PTPRN2: variants seen among roughly 807,000 people sequenced by gnomAD.
The protein encoded by PTPRN2 is receptor-type tyrosine-protein phosphatase N2.
In PTPRN2, 74 loss-of-function variants were observed where a neutral mutation model predicts 118.8. That is an observed-to-expected ratio of 0.62 (90% confidence interval 0.52 to 0.76). PTPRN2 has a LOEUF of 0.76. Ranked by LOEUF, PTPRN2 falls within the 30% of genes least tolerant of loss-of-function variation. The probability of loss-of-function intolerance (pLI) is 0.00; values close to 1 mark genes in which losing one functional copy is unlikely to be tolerated. For missense variants in PTPRN2, 1,481 were observed against 1,394.4 expected (o/e 1.06, Z -0.99); for synonymous variants, 641 against 608.0 (o/e 1.05, Z -0.80).
chr7:157,927,798 C>T (rs566773634), intron 11 of PTPRN2, among the ~76,000 whole-genome samples: 1 of 152,134 alleles, frequency 6.6e-6, no homozygotes, highest in East Asian at 2.0e-4. Flanking sequence ...CTGCTGTGAA[C>T]CCTCTGGGGT....
rs1414058979 is a variant in PTPRN2, at chr7:158,509,581, C to T, written c.113-19796G>A. ...CTTAGCAGCCAAAATCAGAATAGCA[C>T]AGATGCGTAGTCACCCCAAAGCCCA... On this transcript the variant is annotated intron_variant, in intron 1 of 22. Transcript: ENST00000389418. This position sits in a 1 kb window ranked among gnomAD's most constrained non-coding sequence, Gnocchi z 4.4. Among the ~76,000 whole-genome samples, 1 of 152,250 alleles carries T rather than the reference C, an allele frequency of 6.6e-6. No individual in the cohort carries two copies. The highest frequency in any genetic ancestry group is 1.5e-5 in the Non-Finnish European group (1 of 68,044).
At chr7:157,867,348 G>A (rs1163073294) in intron 12 of PTPRN2, among the ~76,000 whole-genome samples, 2 of 126,150 alleles carry the variant, frequency 1.6e-5, no homozygotes, top group African/African-American at 3.3e-5. Flanking sequence ...CTGGATACAC[G>A]GCCACCACCC....
At chr7:158,335,445 C>T (rs1265923105) in intron 2 of PTPRN2, among the ~76,000 whole-genome samples, 1 of 46,510 alleles carries the variant, frequency 2.2e-5, no homozygotes, top group African/African-American at 7.7e-5. Context: ...GTGACACATG[C>T]AGATGTCACT....
intron 12 of PTPRN2, among the ~76,000 whole-genome samples, chr7:157,795,160 T>C (rs1399175481): frequency 1.6e-5 from 1 of 63,750 alleles, no homozygotes; most frequent in Non-Finnish European, 3.0e-5. Context: ...TTCGGCGGGG[T>C]CGGGGGCGGG....
chr7:158,123,030 A>G (rs1336733323), intron 9 of PTPRN2, among the ~76,000 whole-genome samples: 1 of 152,180 alleles, frequency 6.6e-6, no homozygotes, highest in African/African-American at 2.4e-5. Flanking sequence ...GATCTGGGAC[A>G]TTTTACTATT....
At chr7:158,510,036 C>T (rs866654892) in intron 1 of PTPRN2, among the ~76,000 whole-genome samples, 1 of 152,190 alleles carries the variant, frequency 6.6e-6, no homozygotes, top group African/African-American at 2.4e-5. Flanking sequence ...GCTGCCCATT[C>T]CCCAGAGCTG....
intron 6 of PTPRN2, among the ~76,000 whole-genome samples, chr7:158,148,964 T>C (rs867366001): frequency 2.5e-3 from 98 of 39,270 alleles, no homozygotes; most frequent in African/African-American, 2.8e-3. Context: ...GTCTTTCCCC[T>C]TCAATGACAC....
At chr7:158,112,002 A>G (rs554835732) in intron 9 of PTPRN2, among the ~76,000 whole-genome samples, 1 of 151,998 alleles carries the variant, frequency 6.6e-6, no homozygotes, top group East Asian at 2.0e-4. Flanking sequence ...ATGGGGAGAA[A>G]CCACCCACAA....
At chr7:157,605,132 TC>T (rs1463302561) in intron 15 of PTPRN2, among the ~76,000 whole-genome samples, 1 of 152,204 alleles carries the variant, frequency 6.6e-6, no homozygotes, top group Non-Finnish European at 1.5e-5. Flanking sequence ...CCAGCCTGGG[TC>T]CCATGCCTGC....
chr7:157,662,839 TAC>T (rs1344483868), intron 13 of PTPRN2, among the ~76,000 whole-genome samples: 11 of 152,208 alleles, frequency 7.2e-5, no homozygotes, highest in Non-Finnish European at 1.6e-4. Flanking sequence ...ACCCGATGTC[TAC>T]AAGCTTGAAG....
chr7:158,085,577 T>A (rs1460450352), intron 10 of PTPRN2, among the ~76,000 whole-genome samples: 25 of 52,612 alleles, frequency 4.8e-4, no homozygotes, highest in Admixed American at 7.2e-4. Flanking sequence ...ATCCACACCC[T>A]CGACGCCCAT....
chr7:157,887,499 GTCAGTACCCACTCCCC>G (rs1796529655), intron 12 of PTPRN2, among the ~76,000 whole-genome samples: 12 of 7,630 alleles, frequency 1.6e-3, no homozygotes, highest in South Asian at 3.8e-3. Flanking sequence ...GTACCCACTC[GTCAGTACCCACTCCCC>G]CCAGTACCCG....
intron 10 of PTPRN2, among the ~76,000 whole-genome samples, chr7:158,103,159 C>T (rs146919514): frequency 1.1e-3 from 166 of 152,318 alleles, no homozygotes; most frequent in African/African-American, 3.7e-3. Context: ...TCCCACTTAC[C>T]ACCTGTGGCC....
chr7:158,380,407 C>G (rs10237056), intron 2 of PTPRN2, among the ~76,000 whole-genome samples: 1 of 152,160 alleles, frequency 6.6e-6, no homozygotes, highest in Non-Finnish European at 1.5e-5. Flanking sequence ...ACAGGCCCCA[C>G]GCAAGTCTGA....
intron 1 of PTPRN2, among the ~76,000 whole-genome samples, chr7:158,491,414 C>G (rs1821435223): frequency 6.6e-6 from 1 of 152,214 alleles, no homozygotes; most frequent in Admixed American, 6.5e-5. Flanking sequence ...TTGACGGGAG[C>G]CTCCAATCCA....
At chr7:158,323,220 G>A (rs1244441704) in intron 2 of PTPRN2, among the ~76,000 whole-genome samples, 2 of 152,178 alleles carry the variant, frequency 1.3e-5, no homozygotes, top group African/African-American at 2.4e-5. Context: ...CGATATCAGG[G>A]ACTCAACGAA....
rs1419273395 is a variant in PTPRN2, at chr7:158,167,398, G to A, written c.550-107C>T. ...TTTTCAAGGTCCTAAACAGCCCTGG[G>A]GGTACAAAGATGCCCTTCGGTCTCA... On this transcript the variant is annotated intron_variant, in intron 5 of 22. Transcript: ENST00000389418. The A allele has an allele frequency of 3.6e-6, 5 of 1,397,348 alleles. No individual in the cohort carries two copies. The Admixed American group carries it at 1.2e-4, about 33-fold the overall frequency. The allele number at this position is 1,397,348 out of a possible 1,614,324, so 86.6% of individuals were successfully genotyped here.
intron 2 of PTPRN2, among the ~76,000 whole-genome samples, chr7:158,367,492 G>A (rs1217762982): frequency 2.0e-5 from 3 of 152,176 alleles, no homozygotes; most frequent in Non-Finnish European, 4.4e-5. Context: ...GGCACCAACT[G>A]GGAGGCTGGG....
At chr7:157,996,004 G>A (rs1009853351) in intron 11 of PTPRN2, among the ~76,000 whole-genome samples, 4 of 152,162 alleles carry the variant, frequency 2.6e-5, no homozygotes, top group Non-Finnish European at 5.9e-5. Context: ...CCATAAAAAA[G>A]GATGAAGTCC....
Sources: allele counts gnomAD v4.1 joint callset (sites outside exome capture counted in the v4.1 genomes callset), GRCh38; gene constraint gnomAD v4.1.1; non-coding constraint Gnocchi (gnomAD v3.1); transcripts MANE v1.5; gene names NCBI Gene and HGNC (gene_info 2026-07-23, HGNC 2026-07-21).